ERBB4: variants seen among roughly 807,000 people sequenced by gnomAD.
ERBB4 encodes the protein receptor tyrosine-protein kinase erbB-4.
ERBB4 carries 42 observed loss-of-function variants against 158.0 expected under a neutral mutation model. That is an observed-to-expected ratio of 0.27 (90% CI 0.21 to 0.34). The LOEUF (loss-of-function observed/expected upper bound fraction) is 0.34, where lower values mean the gene tolerates loss of function less well. Ranked by LOEUF, ERBB4 falls within the 10% of genes least tolerant of loss-of-function variation. ERBB4 has a pLI of 1.00. For missense variants in ERBB4, 1,333 were observed against 1,624.1 expected, an observed-to-expected ratio of 0.82 and a Z score of 3.08; for synonymous variants, 583 against 558.7, an observed-to-expected ratio of 1.04 and a Z score of -0.61.
intron 1 of ERBB4, among the ~76,000 whole-genome samples, chr2:212,261,784 T>C (rs1248906450): frequency 6.6e-6 from 1 of 152,146 alleles, no homozygotes; most frequent in African/African-American, 2.4e-5. Flanking sequence ...AAAACAATTG[T>C]ACATGTGTTA....
At chr2:212,429,236 A>G (rs1374017635) in intron 1 of ERBB4, 2 of 152,222 alleles carry the variant, frequency 1.3e-5, no homozygotes, top group Non-Finnish European at 2.9e-5. Context: ...AGAGGGAACC[A>G]GGAGAACAAA....
intron 4 of ERBB4, among the ~76,000 whole-genome samples, chr2:211,766,348 T>A (rs2075549789): frequency 6.6e-6 from 1 of 152,136 alleles, no homozygotes; most frequent in South Asian, 2.1e-4. Context: ...CTTGCCCCAA[T>A]CCTCTAGTGT....
chr2:211,899,583 T>G (rs2079181874), intron 3 of ERBB4, among the ~76,000 whole-genome samples: 1 of 152,146 alleles, frequency 6.6e-6, no homozygotes, highest in Non-Finnish European at 1.5e-5. Flanking sequence ...TAGACAGTAC[T>G]GTTTTATAGT....
chr2:212,469,354 A>G (rs571852751), intron 1 of ERBB4, among the ~76,000 whole-genome samples: 3 of 152,294 alleles, frequency 2.0e-5, no homozygotes, highest in African/African-American at 4.8e-5. Context: ...GTTTTATAAG[A>G]TTAGGCACTT....
intron 1 of ERBB4, among the ~76,000 whole-genome samples, chr2:212,390,492 T>C (rs1486607888): frequency 6.6e-6 from 1 of 151,844 alleles, no homozygotes; most frequent in Non-Finnish European, 1.5e-5. Context: ...CAAAACAATA[T>C]GTTCAGAACA....
intron 3 of ERBB4, among the ~76,000 whole-genome samples, chr2:211,890,558 T>G (rs1394570333): frequency 1.3e-5 from 2 of 149,198 alleles, no homozygotes; most frequent in Non-Finnish European, 3.0e-5. Context: ...CATAACAATA[T>G]TAACTTTAAA....
chr2:212,093,540 C>CA (rs1038111658), intron 2 of ERBB4, among the ~76,000 whole-genome samples: 14 of 151,884 alleles, frequency 9.2e-5, no homozygotes, highest in South Asian at 6.2e-4. Context: ...AGGATAACAG[C>CA]AAAAAAAATT....
At chr2:212,421,671 T>C (rs1326558825) in intron 1 of ERBB4, among the ~76,000 whole-genome samples, 1 of 152,174 alleles carries the variant, frequency 6.6e-6, no homozygotes, top group South Asian at 2.1e-4. Context: ...TGGAAGAAGA[T>C]GGAAGATTGT....
rs532377012 is a variant in ERBB4, at chr2:211,657,784, G to A, written c.1916C>T (p.Thr639Met). The A allele has an allele frequency of 1.5e-5, 25 of 1,613,748 alleles. No individual in the cohort carries two copies. The highest frequency in any genetic ancestry group is 5.5e-5 in the South Asian group (5 of 91,076). ...TSHDCIYYPW[T>M]GHSTLPQHAR... ...ATGTTGTGGTAAAGTGGAATGGCCCGTCCATGGGTAGTAAATGCAGTCATG... is the reference window on the plus strand; with the variant it reads ...ATGTTGTGGTAAAGTGGAATGGCCCATCCATGGGTAGTAAATGCAGTCATG... Residue 639 changes from threonine to methionine, a missense_variant, in exon 16 of 28, where the codon ACG (threonine) becomes ATG (methionine). Thr to Met is a moderately conservative substitution (Grantham distance 81). Around this residue, in one of 5 missense-constraint regions of ERBB4, gnomAD observed 245 missense variants for 247.5 expected, o/e 0.99. Coordinates refer to ENST00000342788, the MANE Select transcript of ERBB4 (RefSeq NM_005235.3).
chr2:211,599,510 C>CG (rs1438351125), intron 19 of ERBB4, among the ~76,000 whole-genome samples: 4 of 7,922 alleles, frequency 5.0e-4, no homozygotes, highest in African/African-American at 1.3e-3. Flanking sequence ...AAAATAATTT[C>CG]TTCTGTGTGT....
chr2:211,645,720 A>G (rs1226731411), intron 16 of ERBB4, among the ~76,000 whole-genome samples: 1 of 151,720 alleles, frequency 6.6e-6, no homozygotes, highest in Non-Finnish European at 1.5e-5. Flanking sequence ...AAAGGTATGA[A>G]AGATAATGAT....
At chr2:211,561,616 C>T in intron 20 of ERBB4, 2 of 424,780 alleles carry the variant, frequency 4.7e-6, no homozygotes, top group South Asian at 4.4e-5. Flanking sequence ...AACAAATAAG[C>T]CAAACAAATC....
At chr2:212,083,745 C>A (rs1156434008) in intron 2 of ERBB4, among the ~76,000 whole-genome samples, 1 of 151,754 alleles carries the variant, frequency 6.6e-6, no homozygotes, top group Non-Finnish European at 1.5e-5. Flanking sequence ...AAATATTTAT[C>A]TCCAGATTTT....
At chr2:212,285,625 G>C (rs1463663883) in intron 1 of ERBB4, among the ~76,000 whole-genome samples, 1 of 152,040 alleles carries the variant, frequency 6.6e-6, no homozygotes, top group Non-Finnish European at 1.5e-5. Flanking sequence ...TCTAAAAAAT[G>C]ATTATGACAA....
At chr2:212,164,131 T>G (rs552294580) in intron 1 of ERBB4, among the ~76,000 whole-genome samples, 1 of 151,934 alleles carries the variant, frequency 6.6e-6, no homozygotes, top group Non-Finnish European at 1.5e-5. Context: ...AATAGGCTGA[T>G]GTTAGACATA....
chr2:211,744,935 T>G (rs1393646510), intron 5 of ERBB4, among the ~76,000 whole-genome samples: 1 of 152,242 alleles, frequency 6.6e-6, no homozygotes, highest in African/African-American at 2.4e-5. Flanking sequence ...AGTGAATTTA[T>G]TTTAGTCATA....
At chr2:212,365,180 A>C (rs2089840454) in intron 1 of ERBB4, among the ~76,000 whole-genome samples, 1 of 151,734 alleles carries the variant, frequency 6.6e-6, no homozygotes, top group Admixed American at 6.6e-5. Context: ...TTGCAAAGAC[A>C]TGTAAATAAT....
At chr2:211,413,309 A>AAAAAAAAAAAAAAAAACACACAC in intron 25 of ERBB4, among the ~76,000 whole-genome samples, 1 of 94,574 alleles carries the variant, frequency 1.1e-5, no homozygotes, top group East Asian at 2.4e-4. Flanking sequence ...CTGTCTTAAA[A>AAAAAAAAAAAAAAAAACACACAC]ACACACACAC....
chr2:212,170,977 GC>G (rs1192558657), intron 1 of ERBB4, among the ~76,000 whole-genome samples: 1 of 152,010 alleles, frequency 6.6e-6, no homozygotes, highest in Non-Finnish European at 1.5e-5. Flanking sequence ...CATCCTCCAG[GC>G]CCAAGAATGA....
Sources: gnomAD v4.1 joint callset for allele counts (sites outside exome capture counted in the v4.1 genomes callset) on GRCh38, gnomAD v4.1.1 for gene constraint, gnomAD v4.1.1 regional missense constraint, MANE v1.5 for transcripts, NCBI Gene and HGNC (gene_info 2026-07-23, HGNC 2026-07-21) for gene names.